PIGK: variants seen among roughly 807,000 people sequenced by gnomAD.
PIGK encodes phosphatidylinositol glycan anchor biosynthesis class K.
A neutral mutation model predicts 50.6 loss-of-function variants in PIGK; 42 were observed. The ratio of observed to expected loss-of-function variants is 0.83; its 90% CI spans 0.65 to 1.07. PIGK has a LOEUF of 1.07. PIGK is among the 50% of genes least tolerant of loss of function. The pLI, the probability that PIGK is intolerant of heterozygous loss-of-function variation, is 0.00. For synonymous variants in PIGK, 151 were observed against 156.0 expected, an observed-to-expected ratio of 0.97 and a Z score of 0.24; for missense variants, 448 against 488.7, an observed-to-expected ratio of 0.92 and a Z score of 0.78.
In PIGK at chr1:77,165,584, C is replaced by T. The variant is rs148270460; in HGVS notation, c.487+1135G>A. 1.9e-3 allele frequency among the ~76,000 whole-genome samples: 279 copies of T among 145,582 alleles called. 2 individuals carry two copies. The highest frequency in any genetic ancestry group is 9.7e-4 in the Non-Finnish European group (65 of 67,198). On this transcript the variant is annotated intron_variant, in intron 5 of 10. Transcript: ENST00000370812. ...CATCCATATTTACCGAATACTACTA[C>T]AAGACAGGCAACTGGTGATAAAAAA...
intron 9 of PIGK, chr1:77,153,412 T>C (rs1461108051): frequency 2.0e-5 from 3 of 152,034 alleles, no homozygotes; most frequent in Non-Finnish European, 4.4e-5. Flanking sequence ...AGTTAGAAGA[T>C]ATAAGTTCTA....
chr1:77,184,512 G>A (rs544555370), intron 3 of PIGK, among the ~76,000 whole-genome samples: 22 of 152,260 alleles, frequency 1.4e-4, no homozygotes, highest in African/African-American at 3.9e-4. Context: ...TGTGCACTGC[G>A]GAAAGGGAAA....
chr1:77,141,106 A>G (rs1181688352), intron 9 of PIGK, among the ~76,000 whole-genome samples: 3 of 152,172 alleles, frequency 2.0e-5, no homozygotes, highest in Non-Finnish European at 4.4e-5. Flanking sequence ...ACATTATAAA[A>G]ATTAGATATA....
intron 3 of PIGK, among the ~76,000 whole-genome samples, chr1:77,201,973 A>G (rs1166767797): frequency 6.6e-6 from 1 of 151,468 alleles, no homozygotes; most frequent in African/African-American, 2.4e-5. Flanking sequence ...AGGGAAGATC[A>G]CTTGAGCCCA....
chr1:77,149,257 A>G (rs192841712), intron 9 of PIGK, among the ~76,000 whole-genome samples: 1 of 152,214 alleles, frequency 6.6e-6, no homozygotes, highest in African/African-American at 2.4e-5. Flanking sequence ...AATAATACTG[A>G]ATATAAATTG....
Position 77,091,885 on chromosome 1 carries a change from T to C in PIGK, c.*489A>G, listed in dbSNP as rs1653308937. On this transcript the variant is annotated 3_prime_UTR_variant, in exon 11 of 11. Transcript: ENST00000370812. ...CTATGCAGTCATTCACAATGTATTT[T>C]TGAGAGGGAAAAGGTTGATAATACA... 1 of 152,546 alleles carries C rather than the reference T, an allele frequency of 6.6e-6. No homozygotes were observed. Among genetic ancestry groups the C allele is most frequent in the African/African-American group, 2.4e-5 (1 of 41,458 alleles). The allele number at this position is 152,546 out of a possible 1,614,324, so 9.4% of individuals were successfully genotyped here. A position where few individuals can be genotyped will look rare whatever the true frequency, so the allele number is the denominator to read the frequency against.
intron 9 of PIGK, among the ~76,000 whole-genome samples, chr1:77,128,388 T>A (rs564151805): frequency 3.9e-5 from 6 of 152,302 alleles, no homozygotes; most frequent in Admixed American, 2.6e-4. Context: ...CAGTTTCCAA[T>A]GTAGTATAAA....
intron 3 of PIGK, chr1:77,195,204 G>A: frequency 8.3e-7 from 1 of 1,198,562 alleles, no homozygotes; most frequent in Non-Finnish European, 1.2e-6. Context: ...TGGGCGATGA[G>A]AAAGGTGCTG....
chr1:77,158,326 CTT>C (rs554236558), intron 8 of PIGK, among the ~76,000 whole-genome samples: 1 of 148,164 alleles, frequency 6.7e-6, no homozygotes, highest in Non-Finnish European at 1.5e-5. Flanking sequence ...CTAAATCTCT[CTT>C]TTTTTTTTTA....
chr1:77,139,280 T>C (rs1281999207), intron 9 of PIGK, among the ~76,000 whole-genome samples: 2 of 151,806 alleles, frequency 1.3e-5, no homozygotes, highest in African/African-American at 4.8e-5. Flanking sequence ...CTTCCTCTGT[T>C]GCAAGCCACT....
intron 9 of PIGK, among the ~76,000 whole-genome samples, chr1:77,131,360 A>G (rs1218461542): frequency 6.6e-6 from 1 of 152,048 alleles, no homozygotes; most frequent in East Asian, 1.9e-4. Context: ...TGTGAAAAAA[A>G]GGAAGGGAGA....
chr1:77,167,472 G>C (rs1031153749), intron 4 of PIGK, among the ~76,000 whole-genome samples: 3 of 152,230 alleles, frequency 2.0e-5, no homozygotes, highest in Non-Finnish European at 2.9e-5. Context: ...GGCTGGGCAT[G>C]ATGGCTCACA....
chr1:77,208,423 G>A (rs1466840452), intron 2 of PIGK, among the ~76,000 whole-genome samples: 1 of 152,110 alleles, frequency 6.6e-6, no homozygotes, highest in Non-Finnish European at 1.5e-5. Flanking sequence ...CCAGAGCAAG[G>A]AAGGCTTTCA....
intron 6 of PIGK, 94 bp downstream of exon 6, chr1:77,163,751 GT>G (rs1294005491): frequency 5.8e-6 from 4 of 684,166 alleles, no homozygotes; most frequent in Non-Finnish European, 7.4e-6. Context: ...GTCAAAATAA[GT>G]TAAAAATCTT....
chr1:77,167,763 A>C (rs1286671328), intron 4 of PIGK, among the ~76,000 whole-genome samples: 1 of 152,226 alleles, frequency 6.6e-6, no homozygotes, highest in Non-Finnish European at 1.5e-5. Flanking sequence ...TAAAAAATAA[A>C]AATTATTAAT....
rs79157761 is a variant in PIGK at position 77,135,990 on chromosome 1, C to T, written c.987-13631G>A. Among the ~76,000 whole-genome samples, 98 of 152,200 alleles carry T rather than the reference C, an allele frequency of 6.4e-4. 2 individuals are homozygous for T. Among genetic ancestry groups the T allele is most frequent in the African/African-American group, 2.2e-3 (90 of 41,520 alleles). ...CTCACATTTTACCAATTTATTACAG[C>T]GTTCCTATTTACACTCAGACCTCTT... On this transcript the variant is annotated intron_variant, in intron 9 of 10. Transcript: ENST00000370812.
chr1:77,150,763 C>G (rs1454868180), intron 9 of PIGK, among the ~76,000 whole-genome samples: 1 of 151,958 alleles, frequency 6.6e-6, no homozygotes, highest in African/African-American at 2.4e-5. Context: ...CATATAAAAT[C>G]CTGGACACAT....
chr1:77,148,221 C>T (rs1377014831), intron 9 of PIGK, among the ~76,000 whole-genome samples: 6 of 152,110 alleles, frequency 3.9e-5, no homozygotes, highest in Admixed American at 3.9e-4. Context: ...TTCATATTTG[C>T]ATGCAAACAG....
chr1:77,109,604 G>A (rs1280533598), intron 10 of PIGK, among the ~76,000 whole-genome samples: 2 of 152,084 alleles, frequency 1.3e-5, no homozygotes, highest in Non-Finnish European at 2.9e-5. Flanking sequence ...TTGATGGGAT[G>A]TTATCTCAAA....
Sources: allele counts gnomAD v4.1 joint callset (sites outside exome capture counted in the v4.1 genomes callset), GRCh38; gene constraint gnomAD v4.1.1; transcripts MANE v1.5; gene names NCBI Gene and HGNC (gene_info 2026-07-23, HGNC 2026-07-21).